Variants in USP44 observed in about 807,000 individuals in gnomAD.
The protein encoded by USP44 is ubiquitin specific peptidase 44.
In USP44, 61 loss-of-function variants were observed where a neutral mutation model predicts 69.0. That is an observed-to-expected ratio of 0.88 (90% CI 0.72 to 1.09). The LOEUF is 1.09. USP44 is among the 50% of genes least tolerant of loss of function. USP44 has a pLI of 0.00. For missense variants in USP44, 753 were observed against 849.9 expected (o/e 0.89, Z 1.42); for synonymous variants, 297 against 295.4 (o/e 1.01, Z -0.06).
At chr12:95,549,603 G>A (rs557443834) in intron 1 of USP44, among the ~76,000 whole-genome samples, 4 of 152,256 alleles carry the variant, frequency 2.6e-5, no homozygotes, top group South Asian at 2.1e-4. Flanking sequence ...CCTGTGGAGT[G>A]TACTGAAAAT....
rs1350974187 is a variant in USP44 at position 95,528,826 on chromosome 12, G to A, written c.1605C>T (p.Tyr535=). Residue 535 remains tyrosine (Y), a synonymous_variant, in exon 3 of 6, where the codon TAC becomes TAT. Transcript: ENST00000258499. ...TETEALEGKI[Y]VCDQCNSKRR... is the part of the protein sequence containing the mutation. Reference sequence around the variant, plus strand: ...ACTCACAGTTACACTGGTCACATACGTAGATTTTTCCTTCTAAAGCTTCAG... The same window carrying A: ...ACTCACAGTTACACTGGTCACATACATAGATTTTTCCTTCTAAAGCTTCAG... The A allele has an allele frequency of 3.1e-6, 5 of 1,613,736 alleles. No individual in the cohort carries two copies. The highest frequency in any genetic ancestry group is 2.2e-5 in the South Asian group (2 of 91,072).
rs906486390 is a variant in USP44, at chr12:95,519,339, T to C, written c.1940-986A>G. Among the ~76,000 whole-genome samples the C allele has an allele frequency of 2.6e-5, 4 of 151,826 alleles. No homozygotes were observed. In the South Asian group the frequency reaches 8.3e-4, roughly 32 times the overall value. On this transcript the variant is annotated intron_variant, in intron 5 of 5. Coordinates refer to ENST00000258499, the MANE Select transcript of USP44 (RefSeq NM_032147.5). ...ATTTCATGTCTAAACCTGGGTCCCA[T>C]CCTTACAATACCTCATAATGTCTAT...
In USP44 at chr12:95,533,078, CCA is replaced by C. The variant is rs2077074820; in HGVS notation, c.1177_1178del (p.Trp393ValfsTer37). 6.2e-7 allele frequency: 1 copy of C among 1,614,094 alleles called. No individual in the cohort carries two copies. Among genetic ancestry groups the C allele is most frequent in the African/African-American group, 1.3e-5 (1 of 74,934 alleles). ...GTGAGACCAACGCCCACTTTCCAGACCACATGACTTGGAACAAAGTATGCAAT... is the reference window on the plus strand; with the variant it reads ...GTGAGACCAACGCCCACTTTCCAGACCATGACTTGGAACAAAGTATGCAAT... ...HELHTLFQVM[W>X]SGKWALVSPF... On this transcript the variant is annotated frameshift_variant, in exon 2 of 6. Coordinates refer to ENST00000258499, the MANE Select transcript of USP44 (RefSeq NM_032147.5). LOFTEE classifies it high-confidence loss of function.
intron 1 of USP44, among the ~76,000 whole-genome samples, chr12:95,534,583 T>C (rs2077137925): frequency 6.6e-6 from 1 of 152,076 alleles, no homozygotes; most frequent in Admixed American, 6.6e-5. Context: ...CATCTAGTGG[T>C]GAAAAATGGG....
intron 3 of USP44, among the ~76,000 whole-genome samples, chr12:95,526,820 T>C (rs2076851138): frequency 6.6e-6 from 1 of 152,206 alleles, no homozygotes; most frequent in Non-Finnish European, 1.5e-5. Flanking sequence ...GTATAAACTA[T>C]AGCATAGTTT....
intron 2 of USP44, among the ~76,000 whole-genome samples, chr12:95,530,016 T>C (rs539193008): frequency 4.5e-4 from 68 of 152,302 alleles, no homozygotes; most frequent in Non-Finnish European, 8.7e-4. Flanking sequence ...AAATGAATAG[T>C]AACTTCAGTG....
chr12:95,525,316 T>C (rs1171340334), intron 3 of USP44, among the ~76,000 whole-genome samples: 1 of 152,134 alleles, frequency 6.6e-6, no homozygotes, highest in Non-Finnish European at 1.5e-5. Context: ...GTGATCCACC[T>C]GCCTCGTCCT....
chr12:95,545,175 T>C (rs2077530683), intron 1 of USP44, among the ~76,000 whole-genome samples: 1 of 152,120 alleles, frequency 6.6e-6, no homozygotes, highest in African/African-American at 2.4e-5. Flanking sequence ...ATTCATATTT[T>C]ACAGGAACAC....
rs1406068643 is a variant in USP44 at position 95,528,797 on chromosome 12, C to A, written c.1624+10G>T. On this transcript the variant is annotated intron_variant, in intron 3 of 5. Coordinates refer to ENST00000258499, the MANE Select transcript of USP44 (RefSeq NM_032147.5). The stretch of plus-strand genomic sequence containing the variant: ...TAGGAAAGCACCAAGAACACAACGT[C>A]TTTACTCACAGTTACACTGGTCACA... 2.5e-6 allele frequency: 4 copies of A among 1,609,430 alleles called. No homozygotes were observed. Among genetic ancestry groups the A allele is most frequent in the African/African-American group, 1.3e-5 (1 of 74,766 alleles).
chr12:95,522,771 T>G lies in USP44; in HGVS notation c.1734-1569A>C, dbSNP rs1251109885. 4.0e-5 allele frequency among the ~76,000 whole-genome samples: 5 copies of G among 123,730 alleles called. No individual in the cohort carries two copies. In the Admixed American group the frequency reaches 4.3e-4, roughly 11 times the overall value. 81.2% of individuals were successfully genotyped at this position (123,730 alleles called of 152,430 possible). On this transcript the variant is annotated intron_variant, in intron 4 of 5. Coordinates refer to ENST00000258499, the MANE Select transcript of USP44 (RefSeq NM_032147.5). ...CCAGCCTAGGCGACAAGAGCGAAATTCTGGCTCAAAAAAAAAAAAAAAAAA... is the reference window on the plus strand; with the variant it reads ...CCAGCCTAGGCGACAAGAGCGAAATGCTGGCTCAAAAAAAAAAAAAAAAAA...
intron 1 of USP44, among the ~76,000 whole-genome samples, chr12:95,537,432 C>T (rs561167547): frequency 3.9e-5 from 6 of 152,230 alleles, no homozygotes; most frequent in African/African-American, 1.4e-4. Context: ...GATTCTCCTG[C>T]CTTAGCCTCC....
chr12:95,530,351 T>C (rs2076978756), intron 2 of USP44, among the ~76,000 whole-genome samples: 1 of 152,174 alleles, frequency 6.6e-6, no homozygotes, highest in African/African-American at 2.4e-5. Context: ...CTGGGTGTAG[T>C]GGCTCATGCC....
intron 2 of USP44, 91 bp downstream of exon 2, chr12:95,532,738 C>G (rs2077060459): frequency 9.0e-7 from 1 of 1,109,710 alleles, no homozygotes; most frequent in Non-Finnish European, 1.3e-6. Flanking sequence ...GGTACTAGCT[C>G]AACACACTAG....
Position 95,539,221 on chromosome 12 carries a change from C to CT in USP44, c.-70-4896dup, listed in dbSNP as rs552928754. Among the ~76,000 whole-genome samples the CT allele has an allele frequency of 7.4e-3, 1,054 of 143,316 alleles. 19 individuals are homozygous for CT. Among genetic ancestry groups the CT allele is most frequent in the African/African-American group, 0.024 (929 of 39,146 alleles). 94.0% of individuals were successfully genotyped at this position (143,316 alleles called of 152,430 possible). A position where few individuals can be genotyped will look rare whatever the true frequency, so the allele number is the denominator to read the frequency against. On this transcript the variant is annotated intron_variant, in intron 1 of 5. Coordinates refer to ENST00000258499, the MANE Select transcript of USP44 (RefSeq NM_032147.5). ...CCAGTGTGACTTGTCAATGAAATGG[C>CT]TTTTTTTTTTGTTTTTTTTTTTGAG...
chr12:95,550,583 G>A (rs2140414734), intron 1 of USP44, among the ~76,000 whole-genome samples: 1 of 152,188 alleles, frequency 6.6e-6, no homozygotes. Flanking sequence ...CATGCAATAT[G>A]GTTTTTCCTG....
At position 95,520,574 on chromosome 12, in the gene USP44, C is replaced by G. The variant is rs1408791455; in HGVS notation, c.1939+423G>C. Reference sequence around the variant, plus strand: ...GCTAGAACTAGACTATCCTAGAAGGCAGAAAATAAGTGAGTTTTGTGTGTT... The same window carrying G: ...GCTAGAACTAGACTATCCTAGAAGGGAGAAAATAAGTGAGTTTTGTGTGTT... On this transcript the variant is annotated intron_variant, in intron 5 of 5. Coordinates refer to ENST00000258499, the MANE Select transcript of USP44 (RefSeq NM_032147.5). 5.3e-5 allele frequency among the ~76,000 whole-genome samples: 8 copies of G among 152,148 alleles called. 1 individual carries two copies. Among genetic ancestry groups the G allele is most frequent in the Admixed American group, 2.0e-4 (3 of 15,276 alleles).
intron 1 of USP44, among the ~76,000 whole-genome samples, chr12:95,545,317 A>G (rs2077535247): frequency 6.6e-6 from 1 of 152,172 alleles, no homozygotes; most frequent in Non-Finnish European, 1.5e-5. Context: ...AAAAACTTGA[A>G]ATCTCCCAGA....
chr12:95,521,782 C>T (rs2076670182), intron 4 of USP44, among the ~76,000 whole-genome samples: 1 of 152,100 alleles, frequency 6.6e-6, no homozygotes, highest in South Asian at 2.1e-4. Context: ...CCACTGTGCC[C>T]AGCCCCACCG....
chr12:95,533,752 A>G lies in USP44; in HGVS notation c.505T>C (p.Ser169Pro), dbSNP rs1410448014. 6 of 1,613,710 alleles carry G rather than the reference A, an allele frequency of 3.7e-6. No individual in the cohort carries two copies. Among genetic ancestry groups the G allele is most frequent in the East Asian group, 2.2e-5 (1 of 44,878 alleles). Residue 169 changes from serine (S) to proline (P), a missense_variant, in exon 2 of 6, where the codon TCA becomes CCA. Ser to Pro is a moderately conservative substitution (Grantham distance 74, BLOSUM62 -1). Transcript: ENST00000258499. The part of the protein sequence containing the change: ...GKIFRTWFEQ[S>P]PIGRKKQEEP... Reference sequence around the variant, plus strand: ...TCTTGCTTTTTTCTTCCAATGGGTGATTGTTCAAACCATGTTCGAAAGATT... The same window carrying G: ...TCTTGCTTTTTTCTTCCAATGGGTGGTTGTTCAAACCATGTTCGAAAGATT...
Sources: gnomAD v4.1 joint callset for allele counts (sites outside exome capture counted in the v4.1 genomes callset) on GRCh38, gnomAD v4.1.1 for gene constraint, MANE v1.5 for transcripts, NCBI Gene and HGNC (gene_info 2026-07-23, HGNC 2026-07-21) for gene names.